Variants in PDE4D observed in about 807,000 individuals in gnomAD.
PDE4D encodes the protein phosphodiesterase 4D, also known as 3',5'-cyclic-AMP phosphodiesterase 4D.
A neutral mutation model predicts 87.4 loss-of-function variants in PDE4D; 24 were observed. That is an observed-to-expected ratio of 0.27 (90% CI 0.20 to 0.39). The LOEUF is 0.39. PDE4D is among the 10% of genes least tolerant of loss of function. The pLI is 1.00. For missense variants in PDE4D, 714 were observed against 1,041.0 expected, an observed-to-expected ratio of 0.69 and a Z score of 4.32; for synonymous variants, 384 against 383.2, an observed-to-expected ratio of 1.00 and a Z score of -0.02.
At chr5:59,890,369 C>T (rs1272360806) in intron 1 of PDE4D, among the ~76,000 whole-genome samples, 1 of 152,050 alleles carries the variant, frequency 6.6e-6, no homozygotes, top group African/African-American at 2.4e-5. Flanking sequence ...TTTATCTGAA[C>T]ACTCTTTCAT....
At chr5:59,213,338 T>C (rs1050645594) in intron 2 of PDE4D, among the ~76,000 whole-genome samples, 1 of 151,994 alleles carries the variant, frequency 6.6e-6, no homozygotes, top group African/African-American at 2.4e-5. Context: ...TTTTTTGGAT[T>C]TTTAGTAAGG....
At position 60,270,327 on chromosome 5, in the gene PDE4D, C is replaced by T. The variant is rs114473537; in HGVS notation, c.-89-84640G>A. Among the ~76,000 whole-genome samples the T allele has an allele frequency of 1.1e-3, 171 of 152,230 alleles. 1 individual carries two copies. The highest frequency in any genetic ancestry group is 3.8e-3 in the African/African-American group (159 of 41,542). On this transcript the variant is annotated intron_variant, in intron 1 of 16. Coordinates refer to the PDE4D transcript ENST00000502484. ...CTAGAAAGTAGGAGACAAGGGAACC[C>T]GTTGGTGTAACATCTCTTTGCTCTT...
intron 1 of PDE4D, among the ~76,000 whole-genome samples, chr5:59,871,494 T>C (rs1747813528): frequency 6.6e-6 from 1 of 152,224 alleles, no homozygotes; most frequent in Non-Finnish European, 1.5e-5. Flanking sequence ...TGTTTTAAGA[T>C]GCTAATTTTG....
At chr5:59,210,191 G>A (rs1269634594) in intron 2 of PDE4D, among the ~76,000 whole-genome samples, 1 of 152,232 alleles carries the variant, frequency 6.6e-6, no homozygotes, top group Non-Finnish European at 1.5e-5. Flanking sequence ...GGTAAGAGAT[G>A]ACTACAAACT....
chr5:59,811,196 G>A (rs541841158), intron 1 of PDE4D, among the ~76,000 whole-genome samples: 1 of 152,326 alleles, frequency 6.6e-6, no homozygotes, highest in African/African-American at 2.4e-5. Context: ...CCGTGGGACA[G>A]ACCTAAGACC....
intron 1 of PDE4D, among the ~76,000 whole-genome samples, chr5:60,356,638 CT>C (rs1561158647): frequency 2.0e-5 from 3 of 152,168 alleles, no homozygotes; most frequent in Non-Finnish European, 2.9e-5. Context: ...AGTTTTCCTT[CT>C]TTTCCCCCCA....
chr5:60,115,630 C>T (rs770452991), intron 2 of PDE4D, among the ~76,000 whole-genome samples: 4 of 151,986 alleles, frequency 2.6e-5, no homozygotes, highest in Non-Finnish European at 5.9e-5. Context: ...AAATAAAACA[C>T]TCAAATTAAA....
At chr5:60,231,392 T>C (rs1321948242) in intron 1 of PDE4D, among the ~76,000 whole-genome samples, 2 of 151,980 alleles carry the variant, frequency 1.3e-5, no homozygotes, top group Non-Finnish European at 2.9e-5. Flanking sequence ...AAATTATTTA[T>C]GTTGGTGACA....
At chr5:60,262,722 T>A (rs1749779905) in intron 1 of PDE4D, among the ~76,000 whole-genome samples, 1 of 152,218 alleles carries the variant, frequency 6.6e-6, no homozygotes, top group Admixed American at 6.5e-5. Context: ...AATGCACTGA[T>A]GATGTACATT....
chr5:59,094,216 C>CAAAAAAA (rs1164383460), intron 5 of PDE4D, among the ~76,000 whole-genome samples: 1 of 14,564 alleles, frequency 6.9e-5, no homozygotes, highest in African/African-American at 1.6e-4. Flanking sequence ...GACTCCGTCT[C>CAAAAAAA]AAAAAAAAAA....
At chr5:60,248,796 G>C (rs1428989509) in intron 1 of PDE4D, among the ~76,000 whole-genome samples, 1 of 151,986 alleles carries the variant, frequency 6.6e-6, no homozygotes, top group Non-Finnish European at 1.5e-5. Context: ...TTTCCAACAG[G>C]AAACTTCTAA....
chr5:59,507,679 A>AAAAAAAAGAAAAG (rs61334148), intron 1 of PDE4D, among the ~76,000 whole-genome samples: 8 of 118,706 alleles, frequency 6.7e-5, no homozygotes, highest in African/African-American at 2.5e-4. Context: ...AAAAAAAAAA[A>AAAAAAAAGAAAAG]AAAAGAAAAG....
chr5:60,458,683 G>T (rs1746679735), intron 1 of PDE4D, among the ~76,000 whole-genome samples: 1 of 152,002 alleles, frequency 6.6e-6, no homozygotes, highest in Non-Finnish European at 1.5e-5. Context: ...AAGAATGAAA[G>T]TTTCCAATAG....
At chr5:60,240,982 A>G (rs1466309342) in intron 1 of PDE4D, among the ~76,000 whole-genome samples, 2 of 152,126 alleles carry the variant, frequency 1.3e-5, no homozygotes, top group South Asian at 2.1e-4. Context: ...AACATCAACG[A>G]GCATTAAGAC....
intron 1 of PDE4D, among the ~76,000 whole-genome samples, chr5:59,375,514 A>G (rs1355412406): frequency 6.6e-6 from 1 of 152,156 alleles, no homozygotes; most frequent in Non-Finnish European, 1.5e-5. Context: ...TGAATGGACT[A>G]ATAAAAAGCA....
At chr5:59,966,442 C>G (rs1760066575) in intron 3 of PDE4D, among the ~76,000 whole-genome samples, 1 of 152,138 alleles carries the variant, frequency 6.6e-6, no homozygotes, top group African/African-American at 2.4e-5. Context: ...GGTGTATAGG[C>G]CTATGTCATT....
intron 11 of PDE4D, among the ~76,000 whole-genome samples, chr5:58,981,318 C>G (rs1199967913): frequency 6.6e-6 from 1 of 152,084 alleles, no homozygotes; most frequent in Non-Finnish European, 1.5e-5. Flanking sequence ...TACAACTATC[C>G]TGCATACAAC....
chr5:59,882,463 A>C (rs967128996), intron 1 of PDE4D, among the ~76,000 whole-genome samples: 1 of 152,212 alleles, frequency 6.6e-6, no homozygotes. Flanking sequence ...CATACTAGGT[A>C]ATATTGTTAT....
intron 2 of PDE4D, among the ~76,000 whole-genome samples, chr5:60,134,836 G>A (rs988738115): frequency 1.2e-4 from 19 of 152,248 alleles, no homozygotes; most frequent in African/African-American, 3.6e-4. Flanking sequence ...TTAAATCCCA[G>A]GATGCAGAAC....
Sources: gnomAD v4.1 joint callset for allele counts (sites outside exome capture counted in the v4.1 genomes callset) on GRCh38, gnomAD v4.1.1 for gene constraint, MANE v1.5 for transcripts, NCBI Gene and HGNC (gene_info 2026-07-23, HGNC 2026-07-21) for gene names.